ANO3: variants seen among roughly 807,000 people sequenced by gnomAD.
The protein encoded by ANO3 is anoctamin-3.
ANO3 carries 99 observed loss-of-function variants against 144.8 expected under a neutral mutation model. The ratio of observed to expected loss-of-function variants is 0.68; its 90% confidence interval spans 0.58 to 0.81. The LOEUF (loss-of-function observed/expected upper bound fraction) is 0.81. Among genes scored for constraint, ANO3 ranks in the 30% least tolerant of loss-of-function variants. ANO3 has a pLI of 0.00. For synonymous variants in ANO3, 414 were observed against 392.6 expected, an observed-to-expected ratio of 1.05 and a Z score of -0.64; for missense variants, 905 against 1,202.2, an observed-to-expected ratio of 0.75 and a Z score of 3.66.
Position 26,248,950 on chromosome 11 carries a change from C to G in ANO3, c.154+59620C>G, listed in dbSNP as rs900033017. On this transcript the variant is annotated intron_variant, in intron 1 of 27. Coordinates refer to the ANO3 transcript ENST00000672621. ...ATGCAAAGGATCTAGGTTGTGTACTCCTTGTGAGAATCTAGTGCCTCTGAA... is the reference window on the plus strand; with the variant it reads ...ATGCAAAGGATCTAGGTTGTGTACTGCTTGTGAGAATCTAGTGCCTCTGAA... 3.3e-5 allele frequency among the ~76,000 whole-genome samples: 5 copies of G among 152,134 alleles called. No homozygotes were observed. The South Asian group carries it at 1.0e-3, about 32-fold the overall frequency.
At chr11:26,310,757 A>G (rs933762635) in intron 1 of ANO3, among the ~76,000 whole-genome samples, 3 of 152,154 alleles carry the variant, frequency 2.0e-5, no homozygotes, top group African/African-American at 4.8e-5. Flanking sequence ...TTAGTATTAT[A>G]TTGGTATTAT....
At chr11:26,339,357 G>T (rs1442866443) in intron 1 of ANO3, among the ~76,000 whole-genome samples, 1 of 152,124 alleles carries the variant, frequency 6.6e-6, no homozygotes, top group Admixed American at 6.5e-5. Flanking sequence ...ATTTCACCAT[G>T]TTGGCCAGGC....
intron 12 of ANO3, among the ~76,000 whole-genome samples, 181 bp downstream of exon 12, chr11:26,547,731 T>A (rs1849824754): frequency 6.6e-6 from 1 of 151,940 alleles, no homozygotes; most frequent in Admixed American, 6.6e-5. Flanking sequence ...AAAAGGTCAT[T>A]TTAATACTTT....
At chr11:26,561,277 A>G (rs1390863814) in intron 14 of ANO3, 7 of 1,351,502 alleles carry the variant, frequency 5.2e-6, no homozygotes, top group Non-Finnish European at 7.0e-6. Flanking sequence ...TGAAAGATTC[A>G]TGTTCAGGCA....
At chr11:26,265,316 G>C (rs1853285635) in intron 1 of ANO3, among the ~76,000 whole-genome samples, 1 of 152,010 alleles carries the variant, frequency 6.6e-6, no homozygotes, top group African/African-American at 2.4e-5. Flanking sequence ...TTATCACCTG[G>C]TACAATAATC....
rs11029531 is a variant in ANO3 at position 26,355,961 on chromosome 11, T to C, written c.46+23640T>C. On this transcript the variant is annotated intron_variant, in intron 1 of 26. Transcript: ENST00000256737. ...CTTCTTTCCAATCTATAAATGGATA[T>C]CCTTTGGTTGTAGGAGGTTTTCTTT... Among the ~76,000 whole-genome samples, 1,510 of 152,350 alleles carry C rather than the reference T, an allele frequency of 9.9e-3. 10 individuals carry two copies. Among genetic ancestry groups the C allele is most frequent in the East Asian group, 0.029 (151 of 5,188 alleles).
chr11:26,598,868 G>A lies in ANO3; in HGVS notation c.1541G>A (p.Arg514His), dbSNP rs199929076. ...TCGTTTCTCTCATAGGAAACACTTC[G>A]TCCCCAGTTTGAAGCCAAGTATTAC... ...IEWEEEEETL[R>H]PQFEAKYYKM... The change falls in exon 16 of 27, where the codon CGT becomes CAT. Residue 514 changes from arginine (R) to histidine (H), a missense_variant. Around this residue, in one of 4 missense-constraint regions of ANO3, gnomAD observed 597 missense variants for 865.1 expected, o/e 0.69. Transcript: ENST00000256737. 22 of 1,612,616 alleles carry A rather than the reference G, an allele frequency of 1.4e-5. No homozygotes were observed. The highest frequency in any genetic ancestry group is 1.8e-5 in the Non-Finnish European group (21 of 1,179,568).
At chr11:26,343,436 A>G (rs769583407) in intron 1 of ANO3, among the ~76,000 whole-genome samples, 5 of 152,070 alleles carry the variant, frequency 3.3e-5, no homozygotes, top group Non-Finnish European at 5.9e-5. Context: ...GATCACATGG[A>G]AGTTCTATTT....
intron 5 of ANO3, among the ~76,000 whole-genome samples, chr11:26,511,910 A>G (rs77545197): frequency 0.11 from 16,857 of 152,196 alleles, 1,308 homozygotes; most frequent in Admixed American, 0.16. Context: ...AGAAAAAAAC[A>G]GGGTACTAAA....
chr11:26,484,222 A>C (rs1283868251), intron 4 of ANO3, among the ~76,000 whole-genome samples: 2 of 152,166 alleles, frequency 1.3e-5, no homozygotes, highest in African/African-American at 2.4e-5. Context: ...GTAGAAATGA[A>C]AAACTGATTT....
intron 17 of ANO3, among the ~76,000 whole-genome samples, chr11:26,607,994 A>G (rs1343037010): frequency 1.3e-5 from 2 of 152,138 alleles, no homozygotes; most frequent in African/African-American, 4.8e-5. Flanking sequence ...CGTTGCAATC[A>G]TTTGGAGGAG....
chr11:26,507,145 T>G (rs1188403441), intron 4 of ANO3, among the ~76,000 whole-genome samples: 3 of 152,156 alleles, frequency 2.0e-5, no homozygotes, highest in African/African-American at 7.2e-5. Flanking sequence ...TCTTGGGCAA[T>G]GTACTGGAAA....
Position 26,490,993 on chromosome 11 carries a change from C to T in ANO3, c.433-17111C>T, listed in dbSNP as rs551184441. Among the ~76,000 whole-genome samples the T allele has an allele frequency of 7.2e-5, 11 of 152,254 alleles. 1 individual carries two copies. The highest frequency in any genetic ancestry group is 7.2e-4 in the Admixed American group (11 of 15,292). On this transcript the variant is annotated intron_variant, in intron 4 of 26. Coordinates refer to ENST00000256737, the MANE Select transcript of ANO3 (RefSeq NM_031418.4). ...AAAAGCAATGTCAAATCTATGGCTC[C>T]CAAAACTGTTCAGAAAGCAATTCTT...
At chr11:26,483,732 G>A (rs1860324470) in intron 4 of ANO3, among the ~76,000 whole-genome samples, 1 of 152,296 alleles carries the variant, frequency 6.6e-6, no homozygotes, top group South Asian at 2.1e-4. Context: ...GGGAGGTGGG[G>A]CATTGCTATA....
intron 4 of ANO3, among the ~76,000 whole-genome samples, chr11:26,503,697 G>T (rs545842903): frequency 6.6e-6 from 1 of 152,112 alleles, no homozygotes; most frequent in African/African-American, 2.4e-5. Context: ...CTCACTGAGA[G>T]ACAAAATTTG....
chr11:26,574,372 G>T (rs951597924), intron 14 of ANO3, among the ~76,000 whole-genome samples: 3 of 152,108 alleles, frequency 2.0e-5, no homozygotes, highest in African/African-American at 7.2e-5. Context: ...ATCCAAAAGA[G>T]TATCTTTTTG....
chr11:26,402,728 G>A (rs1392547629), intron 1 of ANO3, among the ~76,000 whole-genome samples: 2 of 151,990 alleles, frequency 1.3e-5, no homozygotes, highest in Admixed American at 6.6e-5. Flanking sequence ...GTTGAAAGGA[G>A]GGAGAGGATC....
At chr11:26,572,393 ATT>A in intron 14 of ANO3, 2 of 280,792 alleles carry the variant, frequency 7.1e-6, no homozygotes, top group Non-Finnish European at 1.1e-5. Flanking sequence ...CGGGTCATCA[ATT>A]TTTTTTTTCA....
rs367855531 is a variant in ANO3 at position 26,660,451 on chromosome 11, C to T, written c.*7C>T. The T allele has an allele frequency of 1.3e-5, 21 of 1,607,396 alleles. No homozygotes were observed. The highest frequency in any genetic ancestry group is 1.7e-5 in the Non-Finnish European group (20 of 1,177,192). ...TCACCATGAATGGCCTTAGTTGACACCTGTTACCCATTAGGGGTGATAACA... is the reference window on the plus strand; with the variant it reads ...TCACCATGAATGGCCTTAGTTGACATCTGTTACCCATTAGGGGTGATAACA... On this transcript the variant is annotated 3_prime_UTR_variant, in exon 27 of 27. Coordinates refer to ENST00000256737, the MANE Select transcript of ANO3 (RefSeq NM_031418.4).
Sources: gnomAD v4.1 joint callset for allele counts (sites outside exome capture counted in the v4.1 genomes callset) on GRCh38, gnomAD v4.1.1 for gene constraint, gnomAD v4.1.1 regional missense constraint, MANE v1.5 for transcripts, NCBI Gene and HGNC (gene_info 2026-07-23, HGNC 2026-07-21) for gene names.